Variants in FGF13 observed in about 807,000 individuals in gnomAD.
FGF13 encodes fibroblast growth factor homologous factor 2.
FGF13 carries 2 observed loss-of-function variants against 19.5 expected under a neutral mutation model. The ratio of observed to expected loss-of-function variants is 0.10; its 90% CI spans 0.04 to 0.32. The LOEUF is 0.32. Ranked by LOEUF, FGF13 falls within the 10% of genes least tolerant of loss-of-function variation. FGF13 has a pLI of 1.00. For missense variants in FGF13, 113 were observed against 192.7 expected (o/e 0.59, Z 2.45); for synonymous variants, 72 against 76.9 (o/e 0.94, Z 0.33).
intron 1 of FGF13, among the ~76,000 whole-genome samples, chrX:139,129,187 G>A (rs934927975): frequency 1.9e-5 from 2 of 106,530 alleles, no homozygotes; most frequent in African/African-American, 6.9e-5. Context: ...ACACATGTGT[G>A]TGTGTGTAAT....
intron 1 of FGF13, among the ~76,000 whole-genome samples, chrX:139,180,759 C>A (rs1240314901): frequency 9.0e-6 from 1 of 111,162 alleles, no homozygotes; most frequent in Non-Finnish European, 1.9e-5. Flanking sequence ...GGCACACTGA[C>A]CCCCTCCCCA....
intron 1 of FGF13, among the ~76,000 whole-genome samples, chrX:139,145,337 A>G (rs996453036): frequency 2.1e-4 from 23 of 111,769 alleles, no homozygotes; most frequent in Middle Eastern, 4.6e-3. Flanking sequence ...TACTTTTGAG[A>G]GTGATGGATG....
intron 3 of FGF13, among the ~76,000 whole-genome samples, chrX:138,654,416 A>G (rs1176930698): frequency 8.9e-6 from 1 of 112,163 alleles, no homozygotes; most frequent in Non-Finnish European, 1.9e-5. Context: ...AATCTGCTTC[A>G]AGGTGAGTGA....
chrX:138,808,681 A>G (rs757047880), intron 3 of FGF13, among the ~76,000 whole-genome samples: 7,866 of 110,531 alleles, frequency 0.071, 641 homozygotes, highest in African/African-American at 0.23. Context: ...CAACAAAATC[A>G]CTAACAAGAT....
chrX:139,050,065 A>G (rs1457929358), intron 1 of FGF13, among the ~76,000 whole-genome samples: 2 of 111,877 alleles, frequency 1.8e-5, no homozygotes, highest in Non-Finnish European at 3.8e-5. Flanking sequence ...TGCATAACCA[A>G]CTCTGTAGGA....
rs181293358 is a variant in FGF13, at chrX:138,999,036, A to G, written c.-112-134386T>C. Among the ~76,000 whole-genome samples, 48 of 111,985 alleles carry G rather than the reference A, an allele frequency of 4.3e-4. 1 individual carries two copies. The East Asian group carries it at 0.013, about 29-fold the overall frequency. On this transcript the variant is annotated intron_variant, in intron 1 of 2. Transcript: ENST00000421460. ...AGAACTCAGGATTAAGAAACAGACTAAAAACTGCACAACTACATGGAAACT... is the reference window on the plus strand; with the variant it reads ...AGAACTCAGGATTAAGAAACAGACTGAAAACTGCACAACTACATGGAAACT...
chrX:138,901,054 A>G (rs1406674910), intron 1 of FGF13, among the ~76,000 whole-genome samples: 2 of 111,796 alleles, frequency 1.8e-5, no homozygotes, highest in African/African-American at 6.5e-5. Flanking sequence ...TAGAACATTG[A>G]TGACTTTTAG....
intron 3 of FGF13, among the ~76,000 whole-genome samples, chrX:138,651,954 C>T (rs1387525141): frequency 9.0e-6 from 1 of 111,265 alleles, no homozygotes; most frequent in Non-Finnish European, 1.9e-5. Flanking sequence ...CAATATAAAG[C>T]AGATCATGTC....
intron 3 of FGF13, among the ~76,000 whole-genome samples, chrX:138,778,484 C>T (rs897037563): frequency 1.8e-5 from 2 of 112,184 alleles, no homozygotes; most frequent in Non-Finnish European, 3.8e-5. Flanking sequence ...CGAAGCAGGG[C>T]GAGGTATTGC....
intron 1 of FGF13, among the ~76,000 whole-genome samples, chrX:138,969,497 T>C (rs1014161694): frequency 8.9e-6 from 1 of 111,743 alleles, no homozygotes. Context: ...AAGAATCGAA[T>C]AGGACATAAA....
At chrX:138,995,174 G>A (rs1171751895) in intron 1 of FGF13, among the ~76,000 whole-genome samples, 1 of 111,385 alleles carries the variant, frequency 9.0e-6, no homozygotes, top group African/African-American at 3.3e-5. Context: ...GGGAGAGGAA[G>A]AGTACAGCAA....
intron 1 of FGF13, among the ~76,000 whole-genome samples, chrX:139,125,869 T>C (rs1443691562): frequency 9.0e-6 from 1 of 111,450 alleles, no homozygotes; most frequent in Non-Finnish European, 1.9e-5. Flanking sequence ...GCTCAGTCCA[T>C]GCCCATCTAC....
intron 1 of FGF13, among the ~76,000 whole-genome samples, chrX:138,992,691 T>C (rs770439897): frequency 2.7e-5 from 3 of 111,766 alleles, no homozygotes; most frequent in African/African-American, 9.7e-5. Flanking sequence ...TTAATAAATG[T>C]AGAATGAATG....
chrX:139,137,891 A>C (rs1435748589), intron 1 of FGF13, among the ~76,000 whole-genome samples: 1 of 112,111 alleles, frequency 8.9e-6, no homozygotes, highest in Non-Finnish European at 1.9e-5. Context: ...TGGCCAATGC[A>C]CTAGCCTCAG....
At chrX:139,034,726 A>G (rs1296901630) in intron 1 of FGF13, among the ~76,000 whole-genome samples, 1 of 111,541 alleles carries the variant, frequency 9.0e-6, no homozygotes, top group Non-Finnish European at 1.9e-5. Flanking sequence ...ACTCCTATTT[A>G]TTTTCTTAAA....
At chrX:138,685,555 G>A (rs1183765747) in intron 3 of FGF13, among the ~76,000 whole-genome samples, 1 of 111,401 alleles carries the variant, frequency 9.0e-6, no homozygotes, top group Non-Finnish European at 1.9e-5. Context: ...TAATTCAACA[G>A]TTCAAAATAG....
At chrX:138,775,518 G>A in intron 3 of FGF13, among the ~76,000 whole-genome samples, 1 of 111,917 alleles carries the variant, frequency 8.9e-6, no homozygotes, top group East Asian at 2.8e-4. Flanking sequence ...TTTTATCAAG[G>A]TGATGTTTAA....
chrX:138,648,826 G>A (rs1207870250), intron 3 of FGF13, among the ~76,000 whole-genome samples: 1 of 111,454 alleles, frequency 9.0e-6, no homozygotes, highest in East Asian at 2.8e-4. Context: ...ACGTCAGCAT[G>A]TCAGAAACCT....
At chrX:138,682,896 C>T (rs1451316193) in intron 3 of FGF13, among the ~76,000 whole-genome samples, 1 of 111,584 alleles carries the variant, frequency 9.0e-6, no homozygotes, top group Non-Finnish European at 1.9e-5. Context: ...AGAAAACATG[C>T]TTGAGAATGC....
Sources: allele counts gnomAD v4.1 joint callset (sites outside exome capture counted in the v4.1 genomes callset), GRCh38; gene constraint gnomAD v4.1.1; transcripts MANE v1.5; gene names NCBI Gene and HGNC (gene_info 2026-07-23, HGNC 2026-07-21).